Variants in EYS observed in about 807,000 individuals in gnomAD.
EYS encodes the protein protein eyes shut homolog.
In EYS, 250 loss-of-function variants were observed where a neutral mutation model predicts 282.1. The ratio of observed to expected loss-of-function variants is 0.89; its 90% CI spans 0.80 to 0.98. The LOEUF (loss-of-function observed/expected upper bound fraction) is 0.98, where lower values mean the gene tolerates loss of function less well. Among genes scored for constraint, EYS ranks in the 50% least tolerant of loss-of-function variants. EYS has a pLI of 0.00. For synonymous variants in EYS, 1,355 were observed against 1,282.9 expected (o/e 1.06, Z -1.20); for missense variants, 4,016 against 3,709.0 (o/e 1.08, Z -2.15).
At chr6:64,433,814 G>A (rs1012822770) in intron 28 of EYS, among the ~76,000 whole-genome samples, 3 of 151,966 alleles carry the variant, frequency 2.0e-5, no homozygotes, top group Admixed American at 6.6e-5. Flanking sequence ...TAAAAATACA[G>A]ACTGTCCATG....
At chr6:63,905,255 G>A (rs1470816438) in intron 35 of EYS, among the ~76,000 whole-genome samples, 1 of 14,212 alleles carries the variant, frequency 7.0e-5, no homozygotes, top group Non-Finnish European at 1.3e-4. Context: ...TCCCTTTTAT[G>A]TGGAAAGGCC....
intron 8 of EYS, among the ~76,000 whole-genome samples, chr6:65,375,498 C>G (rs1765329542): frequency 6.6e-6 from 1 of 152,050 alleles, no homozygotes; most frequent in Admixed American, 6.6e-5. Flanking sequence ...ATGATCACGA[C>G]TCCTCTCCAG....
intron 29 of EYS, among the ~76,000 whole-genome samples, chr6:64,307,336 GT>G (rs1215356633): frequency 1.3e-5 from 2 of 152,018 alleles, no homozygotes; most frequent in African/African-American, 4.8e-5. Flanking sequence ...AATTATGTTT[GT>G]GTACATACAA....
At chr6:65,543,014 A>G (rs529257614) in intron 2 of EYS, among the ~76,000 whole-genome samples, 1 of 152,098 alleles carries the variant, frequency 6.6e-6, no homozygotes, top group East Asian at 1.9e-4. Flanking sequence ...TCTCTGTTTT[A>G]TTTACTTTTA....
chr6:64,687,774 G>A (rs973309065), intron 22 of EYS, among the ~76,000 whole-genome samples: 2 of 152,070 alleles, frequency 1.3e-5, no homozygotes, highest in Non-Finnish European at 2.9e-5. Flanking sequence ...TCTATTGATT[G>A]GAATAGTTTC....
intron 22 of EYS, among the ~76,000 whole-genome samples, chr6:64,708,162 G>A (rs1194631489): frequency 6.6e-6 from 1 of 152,154 alleles, no homozygotes; most frequent in Non-Finnish European, 1.5e-5. Flanking sequence ...GAAAAAATGA[G>A]TACTGTCATA....
intron 5 of EYS, among the ~76,000 whole-genome samples, chr6:65,414,602 CAGAA>C (rs984989402): frequency 6.6e-6 from 1 of 151,190 alleles, no homozygotes; most frequent in South Asian, 2.1e-4. Flanking sequence ...TGTAAGTAAC[CAGAA>C]AGAAAGGATT....
intron 13 of EYS, among the ~76,000 whole-genome samples, chr6:65,002,136 A>G (rs1771486140): frequency 2.0e-5 from 3 of 147,124 alleles, no homozygotes; most frequent in South Asian, 4.4e-4. Context: ...CTGCCTACAT[A>G]TTTCAAAAAC....
chr6:64,591,274 C>G lies in EYS; in HGVS notation c.4593G>C (p.Glu1531Asp). Reference sequence around the variant, plus strand: ...TTGTGAGTCTCTGGTTGCTTGAAGCCTCAGTAATAGCCTGATATTCACTGG... The same window carrying G: ...TTGTGAGTCTCTGGTTGCTTGAAGCGTCAGTAATAGCCTGATATTCACTGG... ...FNPSEYQAIT[E>D]ASSNQRLTNI... Residue 1531 changes from glutamate (E) to aspartate (D), a missense_variant, in exon 26 of 43, where the codon GAG becomes GAC. By Grantham distance (45) the Glu-to-Asp change is conservative. Coordinates refer to ENST00000503581, the MANE Select transcript of EYS (RefSeq NM_001142800.2). 1 of 1,551,272 alleles carries G rather than the reference C, an allele frequency of 6.4e-7. No homozygotes were observed. The highest frequency in any genetic ancestry group is 8.7e-7 in the Non-Finnish European group (1 of 1,146,760).
chr6:64,137,169 A>G (rs1774189259), intron 31 of EYS, among the ~76,000 whole-genome samples: 1 of 152,138 alleles, frequency 6.6e-6, no homozygotes, highest in Non-Finnish European at 1.5e-5. Context: ...CTGGCTTCAG[A>G]CTTTTCTTCT....
At chr6:63,750,286 C>T (rs1013319211) in intron 41 of EYS, among the ~76,000 whole-genome samples, 2 of 151,884 alleles carry the variant, frequency 1.3e-5, no homozygotes, top group African/African-American at 4.8e-5. Context: ...TTATTTTGTC[C>T]CTTTGATTTA....
chr6:63,862,187 C>T (rs768672566), intron 36 of EYS, among the ~76,000 whole-genome samples: 75 of 152,316 alleles, frequency 4.9e-4, no homozygotes, highest in Middle Eastern at 3.4e-3. Flanking sequence ...CTGTCTATCA[C>T]TACTTGTTTA....
At chr6:63,852,233 C>G (rs1161051037) in intron 36 of EYS, among the ~76,000 whole-genome samples, 1 of 150,064 alleles carries the variant, frequency 6.7e-6, no homozygotes, top group Non-Finnish European at 1.5e-5. Context: ...AAATAGAACC[C>G]TAGCCAGACT....
chr6:64,509,130 C>T (rs888106830), intron 26 of EYS, among the ~76,000 whole-genome samples: 8 of 152,074 alleles, frequency 5.3e-5, no homozygotes, highest in African/African-American at 1.9e-4. Flanking sequence ...ACAAAAATTA[C>T]AATTTTACAA....
intron 8 of EYS, among the ~76,000 whole-genome samples, chr6:65,365,615 C>T (rs1764888028): frequency 6.6e-6 from 1 of 151,652 alleles, no homozygotes; most frequent in Non-Finnish European, 1.5e-5. Flanking sequence ...CTGTCTTCCT[C>T]AACATTGTGT....
chr6:64,000,910 G>A (rs931826246), intron 33 of EYS, among the ~76,000 whole-genome samples: 12 of 152,092 alleles, frequency 7.9e-5, no homozygotes, highest in Admixed American at 2.0e-4. Flanking sequence ...CACTTTGGGA[G>A]GCCACCCTTA....
At chr6:64,139,841 C>T (rs866550741) in intron 31 of EYS, among the ~76,000 whole-genome samples, 4 of 151,588 alleles carry the variant, frequency 2.6e-5, no homozygotes, top group South Asian at 2.1e-4. Context: ...TGGTGGCAGG[C>T]GCCTGTAATC....
chr6:64,597,907 C>CA (rs550552701), intron 24 of EYS, among the ~76,000 whole-genome samples: 221 of 152,006 alleles, frequency 1.5e-3, no homozygotes, highest in Non-Finnish European at 2.6e-3. Flanking sequence ...GTTCACAACA[C>CA]AAAAAAGATA....
At chr6:65,432,820 A>C (rs1053992233) in intron 5 of EYS, among the ~76,000 whole-genome samples, 9 of 152,142 alleles carry the variant, frequency 5.9e-5, no homozygotes, top group Non-Finnish European at 7.4e-5. Flanking sequence ...ATGGGTGAGA[A>C]GTGGTCAGAT....
Sources: allele counts gnomAD v4.1 joint callset (sites outside exome capture counted in the v4.1 genomes callset), GRCh38; gene constraint gnomAD v4.1.1; transcripts MANE v1.5; gene names NCBI Gene and HGNC (gene_info 2026-07-23, HGNC 2026-07-21).